RAD51B: variants seen among roughly 807,000 people sequenced by gnomAD.
RAD51B encodes the protein DNA repair protein RAD51 homolog 2.
RAD51B carries 38 observed loss-of-function variants against 42.2 expected under a neutral mutation model. The ratio of observed to expected loss-of-function variants is 0.90; its 90% CI spans 0.70 to 1.18. The LOEUF is 1.18. Ranked by LOEUF, RAD51B falls within the 50% of genes most tolerant of loss-of-function variation. The pLI, the probability that RAD51B is intolerant of heterozygous loss-of-function variation, is 0.00. For synonymous variants in RAD51B, 154 were observed against 145.2 expected (o/e 1.06, Z -0.43); for missense variants, 373 against 400.7 (o/e 0.93, Z 0.59).
downstream of RAD51B, among the ~76,000 whole-genome samples, chr14:68,481,376 CA>C (rs1883167630): frequency 6.6e-6 from 1 of 152,140 alleles, no homozygotes; most frequent in Non-Finnish European, 1.5e-5. Context: ...TTCCAAATGT[CA>C]AAAATTAAGT....
intron 8 of RAD51B, among the ~76,000 whole-genome samples, chr14:68,376,930 A>G (rs1316139003): frequency 6.6e-6 from 1 of 152,226 alleles, no homozygotes; most frequent in African/African-American, 2.4e-5. Flanking sequence ...AATATTCATA[A>G]AGCACTTGAG....
chr14:68,197,416 T>A (rs1385443720), intron 7 of RAD51B, among the ~76,000 whole-genome samples: 1 of 152,176 alleles, frequency 6.6e-6, no homozygotes, highest in Non-Finnish European at 1.5e-5. Flanking sequence ...AGACAATTAC[T>A]TTTTAGCCAT....
intron 7 of RAD51B, among the ~76,000 whole-genome samples, chr14:68,095,498 A>AT (rs1371784219): frequency 6.6e-6 from 1 of 151,768 alleles, no homozygotes; most frequent in Non-Finnish European, 1.5e-5. Context: ...CCAGATATGG[A>AT]TTTTGTACTT....
intron 10 of RAD51B, among the ~76,000 whole-genome samples, chr14:68,551,824 C>T (rs1888588518): frequency 6.6e-6 from 1 of 152,200 alleles, no homozygotes; most frequent in Admixed American, 6.5e-5. Context: ...AGAGTGTTAC[C>T]ATCAGTTACA....
intron 8 of RAD51B, among the ~76,000 whole-genome samples, chr14:68,307,826 A>G (rs1300096341): frequency 6.6e-6 from 1 of 152,206 alleles, no homozygotes; most frequent in South Asian, 2.1e-4. Flanking sequence ...GCTAGTATCA[A>G]ATCAAGTTTG....
chr14:68,183,987 G>T (rs893051669), intron 7 of RAD51B, among the ~76,000 whole-genome samples: 1 of 151,384 alleles, frequency 6.6e-6, no homozygotes, highest in Non-Finnish European at 1.5e-5. Flanking sequence ...AGCTACTCGG[G>T]GGGGGTGAGG....
At chr14:68,061,733 G>A (rs1300697862) in intron 7 of RAD51B, among the ~76,000 whole-genome samples, 1 of 151,960 alleles carries the variant, frequency 6.6e-6, no homozygotes, top group Non-Finnish European at 1.5e-5. Context: ...CCTGAGTTTC[G>A]TATGTTGATT....
intron 4 of RAD51B, among the ~76,000 whole-genome samples, chr14:67,859,361 G>A (rs552493308): frequency 9.8e-5 from 15 of 152,346 alleles, no homozygotes; most frequent in African/African-American, 3.6e-4. Flanking sequence ...CCACACACAT[G>A]TATAGGTCAG....
intron 10 of RAD51B, among the ~76,000 whole-genome samples, chr14:68,616,566 G>A (rs1164859811): frequency 6.6e-6 from 1 of 152,134 alleles, no homozygotes. Context: ...GTATGATGGT[G>A]TGATTTCCCT....
chr14:68,183,985 G>T (rs1272470086), intron 7 of RAD51B, among the ~76,000 whole-genome samples: 1 of 3,932 alleles, frequency 2.5e-4, no homozygotes, highest in South Asian at 4.7e-3. Context: ...CCAGCTACTC[G>T]GGGGGGGTGA....
intron 9 of RAD51B, among the ~76,000 whole-genome samples, chr14:68,456,162 A>C (rs371784083): frequency 1.3e-5 from 2 of 152,252 alleles, no homozygotes; most frequent in East Asian, 3.8e-4. Context: ...TAGTAATGGC[A>C]AAACAGAGGA....
chr14:68,013,262 A>C (rs2075716819), intron 7 of RAD51B, among the ~76,000 whole-genome samples: 1 of 152,178 alleles, frequency 6.6e-6, no homozygotes. Context: ...CAGAGCAAAC[A>C]TTTCAAAAAG....
At chr14:68,044,646 G>A (rs1454110357) in intron 7 of RAD51B, among the ~76,000 whole-genome samples, 1 of 151,648 alleles carries the variant, frequency 6.6e-6, no homozygotes, top group Non-Finnish European at 1.5e-5. Context: ...CTTAAACTTT[G>A]GTCCTTGTCC....
chr14:68,482,471 A>G (rs1237003240), downstream of RAD51B, among the ~76,000 whole-genome samples: 3 of 152,172 alleles, frequency 2.0e-5, no homozygotes, highest in East Asian at 5.8e-4. Context: ...GAATTCTGGA[A>G]AGGGAGGATA....
chr14:68,257,903 A>G (rs763003993), intron 7 of RAD51B, among the ~76,000 whole-genome samples: 3 of 152,186 alleles, frequency 2.0e-5, no homozygotes, highest in Non-Finnish European at 2.9e-5. Flanking sequence ...TAATTAATGG[A>G]TAGATTTATT....
At chr14:67,853,283 G>T (rs1187528281) in intron 4 of RAD51B, among the ~76,000 whole-genome samples, 2 of 152,188 alleles carry the variant, frequency 1.3e-5, no homozygotes, top group African/African-American at 4.8e-5. Context: ...TTTCAACCTT[G>T]TAAGACCTTA....
At chr14:68,323,714 G>A (rs2082197659) in intron 8 of RAD51B, among the ~76,000 whole-genome samples, 2 of 152,218 alleles carry the variant, frequency 1.3e-5, no homozygotes, top group Non-Finnish European at 2.9e-5. Context: ...AGAATCGCAT[G>A]AACCTGGGAG....
At chr14:68,232,820 G>A (rs1433636496) in intron 7 of RAD51B, among the ~76,000 whole-genome samples, 1 of 152,104 alleles carries the variant, frequency 6.6e-6, no homozygotes, top group Non-Finnish European at 1.5e-5. Flanking sequence ...TCACAGGATG[G>A]CTCCCTTCCA....
At chr14:68,395,403 G>A (rs1488734888) in intron 8 of RAD51B, among the ~76,000 whole-genome samples, 1 of 152,162 alleles carries the variant, frequency 6.6e-6, no homozygotes, top group Non-Finnish European at 1.5e-5. Flanking sequence ...GGGATAGGAA[G>A]GGGGAGGATA....
Sources: allele counts gnomAD v4.1 joint callset (sites outside exome capture counted in the v4.1 genomes callset), GRCh38; gene constraint gnomAD v4.1.1; transcripts MANE v1.5; gene names NCBI Gene and HGNC (gene_info 2026-07-23, HGNC 2026-07-21).